PINK1: variants seen among roughly 807,000 people sequenced by gnomAD.
PINK1 encodes PTEN induced kinase 1.
A neutral mutation model predicts 56.0 loss-of-function variants in PINK1; 58 were observed. The observed-to-expected ratio is 1.04, with a 90% CI of 0.84 to 1.29. The LOEUF (loss-of-function observed/expected upper bound fraction) is 1.29. Among genes scored for constraint, PINK1 ranks in the 50% most tolerant of loss-of-function variants. The probability of loss-of-function intolerance (pLI) is 0.00; values close to 1 mark genes in which losing one functional copy is unlikely to be tolerated. For synonymous variants in PINK1, 354 were observed against 339.3 expected (o/e 1.04, Z -0.48); for missense variants, 745 against 777.9 (o/e 0.96, Z 0.50).
intron 1 of PINK1, among the ~76,000 whole-genome samples, chr1:20,635,765 C>T (rs908299327): frequency 3.3e-5 from 5 of 151,886 alleles, no homozygotes; most frequent in Non-Finnish European, 5.9e-5. Flanking sequence ...AGGAGAATGG[C>T]GTGAACCCGG....
intron 5 of PINK1, among the ~76,000 whole-genome samples, chr1:20,647,466 C>CTTTTTTT (rs34054663): frequency 1.8e-4 from 13 of 73,210 alleles, no homozygotes; most frequent in Non-Finnish European, 2.1e-4. Context: ...TGGGAGTTGG[C>CTTTTTTT]TTTTTTTTTT....
At chr1:20,648,371 T>C in intron 5 of PINK1, 134 bp from the exon 6 acceptor site, 1 of 1,365,796 alleles carries the variant, frequency 7.3e-7, no homozygotes, top group Non-Finnish European at 1.0e-6. Flanking sequence ...CAGGCCTTGC[T>C]GACCTCCTGG....
At chr1:20,648,869 C>T in intron 6 of PINK1, 126 bp from the exon 7 acceptor site, 1 of 1,272,292 alleles carries the variant, frequency 7.9e-7, no homozygotes, top group Non-Finnish European at 1.1e-6. Context: ...GTCTGAGCCA[C>T]AGCTCACTCA....
At chr1:20,640,795 T>G (rs918638590) in intron 3 of PINK1, among the ~76,000 whole-genome samples, 6 of 152,130 alleles carry the variant, frequency 3.9e-5, no homozygotes, top group African/African-American at 1.4e-4. Flanking sequence ...CCCAGCACTT[T>G]GGGAGGCTGA....
rs530433531 is a variant in PINK1, at chr1:20,644,550, C to T, written c.837C>T (p.Arg279=). The T allele has an allele frequency of 1.2e-5, 19 of 1,614,246 alleles. No homozygotes were observed. Among genetic ancestry groups the T allele is most frequent in the Middle Eastern group, 1.6e-4 (1 of 6,062 alleles). The change falls in exon 4 of 8, where the codon CGC becomes CGT. Residue 279 remains arginine, a synonymous_variant. Transcript: ENST00000321556. ...ACCCCAACATCATCCGGGTTCTCCG[C>T]GCCTTCACCTCTTCCGTGCCGCTGC... is the stretch of plus-strand genomic sequence containing the variant. ...APHPNIIRVL[R]AFTSSVPLLP... is the part of the protein sequence containing the mutation.
chr1:20,645,796 C>T, intron 5 of PINK1, 73 bp downstream of exon 5: 2 of 1,570,892 alleles, frequency 1.3e-6, no homozygotes, highest in Non-Finnish European at 1.7e-6. Context: ...AGGACTGACT[C>T]TTCAGGTCCT....
intron 6 of PINK1, 65 bp downstream of exon 6, chr1:20,648,697 G>C: frequency 6.2e-7 from 1 of 1,600,054 alleles, no homozygotes; most frequent in Non-Finnish European, 8.5e-7. Flanking sequence ...GAATGCAGGA[G>C]ACTCGATGCC....
At position 20,643,957 on chromosome 1, in the gene PINK1, C is replaced by T. The variant is rs918065805; in HGVS notation, c.777-533C>T. On this transcript the variant is annotated intron_variant, in intron 3 of 7. Transcript: ENST00000321556. Reference sequence around the variant, plus strand: ...TAAAGTTTAATTTATAAATTAGGCACAGTAAAAAATTAAAGATAACTAATA... The same window carrying T: ...TAAAGTTTAATTTATAAATTAGGCATAGTAAAAAATTAAAGATAACTAATA... Among the ~76,000 whole-genome samples the T allele has an allele frequency of 2.2e-5, 3 of 134,172 alleles. No homozygotes were observed. In the South Asian group the frequency reaches 7.3e-4, roughly 33 times the overall value. The allele number at this position is 134,172 out of a possible 152,430, so 88.0% of individuals were successfully genotyped here.
intron 6 of PINK1, 81 bp from the exon 7 acceptor site, chr1:20,648,914 C>T: frequency 6.8e-7 from 1 of 1,474,616 alleles, no homozygotes; most frequent in Admixed American, 1.7e-5. Flanking sequence ...TTCAGATTAG[C>T]CCATGGATCA....
At position 20,649,088 on chromosome 1, in the gene PINK1, C is replaced by A; in HGVS notation, c.1345C>A (p.Leu449Ile). The change falls in exon 7 of 8, where the codon CTT (leucine) becomes ATT (isoleucine). Residue 449 changes from leucine (L) to isoleucine (I), a missense_variant. Transcript: ENST00000321556. Reference sequence around the variant, plus strand: ...AGCCATCGCCTATGAAATCTTCGGGCTTGTCAATCCCTTCTACGGCCAGGG... The same window carrying A: ...AGCCATCGCCTATGAAATCTTCGGGATTGTCAATCCCTTCTACGGCCAGGG... ...VGAIAYEIFG[L>I]VNPFYGQGKA... 6.2e-7 allele frequency: 1 copy of A among 1,614,262 alleles called. No homozygotes were observed. The highest frequency in any genetic ancestry group is 8.5e-7 in the Non-Finnish European group (1 of 1,180,044).
At position 20,649,042 on chromosome 1, in the gene PINK1, G is replaced by A. The variant is rs371775590; in HGVS notation, c.1299G>A (p.Lys433=). 7 of 1,613,952 alleles carry A rather than the reference G, an allele frequency of 4.3e-6. No individual in the cohort carries two copies. The highest frequency in any genetic ancestry group is 2.7e-5 in the African/African-American group (2 of 74,954). ...PGPRAVIDYS[K]ADAWAVGAIA... Reference sequence around the variant, plus strand: ...CCAGGGCAGTGATTGACTACAGCAAGGCTGATGCCTGGGCAGTGGGAGCCA... The same window carrying A: ...CCAGGGCAGTGATTGACTACAGCAAAGCTGATGCCTGGGCAGTGGGAGCCA... The change falls in exon 7 of 8, where the codon AAG becomes AAA. Residue 433 remains lysine (K), a synonymous_variant. Coordinates refer to ENST00000321556, the MANE Select transcript of PINK1 (RefSeq NM_032409.3).
At position 20,633,494 on chromosome 1, in the gene PINK1, G is replaced by C. The variant is rs1363622863; in HGVS notation, c.-55G>C. On this transcript the variant is annotated 5_prime_UTR_variant, in exon 1 of 8. Transcript: ENST00000321556. Reference sequence around the variant, plus strand: ...CCCAAGTTTGTTGTGACCGGCGGGGGACGCCGGTGGTGGCGGCAGCGGCGG... The same window carrying C: ...CCCAAGTTTGTTGTGACCGGCGGGGCACGCCGGTGGTGGCGGCAGCGGCGG... 4.5e-6 allele frequency: 5 copies of C among 1,099,336 alleles called. No homozygotes were observed. Among genetic ancestry groups the C allele is most frequent in the Admixed American group, 5.1e-5 (1 of 19,750 alleles). 68.1% of individuals were successfully genotyped at this position (1,099,336 alleles called of 1,614,324 possible).
At chr1:20,636,075 G>A (rs2053053586) in intron 1 of PINK1, among the ~76,000 whole-genome samples, 1 of 152,100 alleles carries the variant, frequency 6.6e-6, no homozygotes, top group Non-Finnish European at 1.5e-5. Context: ...GCTGAGGTGG[G>A]TGGATTGCTT....
chr1:20,651,137 T>C lies in PINK1; in HGVS notation c.*446T>C. 4.1e-6 allele frequency: 1 copy of C among 244,584 alleles called. No individual in the cohort carries two copies. The highest frequency in any genetic ancestry group is 5.5e-5 in the South Asian group (1 of 18,246). 15.2% of individuals were successfully genotyped at this position (244,584 alleles called of 1,614,324 possible). ...CGGGAGTGGGAAATTACATGAGGCC[T>C]GGGCCTCTGCGTTCCCAAGCTGTGC... On this transcript the variant is annotated 3_prime_UTR_variant, in exon 8 of 8. Transcript: ENST00000321556.
At position 20,649,010 on chromosome 1, in the gene PINK1, C is replaced by A. The variant is rs1460162636; in HGVS notation, c.1267C>A (p.Pro423Thr). 1 of 1,613,316 alleles carries A rather than the reference C, an allele frequency of 6.2e-7. No homozygotes were observed. Among genetic ancestry groups the A allele is most frequent in the African/African-American group, 1.3e-5 (1 of 74,930 alleles). The change falls in exon 7 of 8, where the codon CCT becomes ACT. Residue 423 changes from proline (P) to threonine (T), a missense_variant. Pro to Thr is a conservative substitution (Grantham distance 38). Transcript: ENST00000321556. Reference protein sequence around the residue: ...LMAPEVSTARPGPRAVIDYSK... With the variant: ...LMAPEVSTARTGPRAVIDYSK... ...TTCTGAGCAGGTGTCCACGGCCCGT[C>A]CTGGCCCCAGGGCAGTGATTGACTA...
chr1:20,644,564 C>G lies in PINK1; in HGVS notation c.851C>G (p.Ser284Cys). The G allele has an allele frequency of 6.2e-7, 1 of 1,614,266 alleles. No individual in the cohort carries two copies. The highest frequency in any genetic ancestry group is 8.5e-7 in the Non-Finnish European group (1 of 1,180,052). The change falls in exon 4 of 8, where the codon TCC becomes TGC. Residue 284 changes from serine to cysteine, a missense_variant. Ser to Cys is a moderately radical substitution (Grantham distance 112). Transcript: ENST00000321556. Reference sequence around the variant, plus strand: ...CGGGTTCTCCGCGCCTTCACCTCTTCCGTGCCGCTGCTGCCAGGGGCCCTG... The same window carrying G: ...CGGGTTCTCCGCGCCTTCACCTCTTGCGTGCCGCTGCTGCCAGGGGCCCTG... ...IIRVLRAFTS[S>C]VPLLPGALVD...
At chr1:20,633,971 G>A in intron 1 of PINK1, 36 bp downstream of exon 1, 4 of 1,562,518 alleles carry the variant, frequency 2.6e-6, no homozygotes, top group East Asian at 2.4e-5. Context: ...AGCGGAGGAC[G>A]GAGCTAAGCG....
chr1:20,639,744 C>T lies in PINK1; in HGVS notation c.676-148C>T. 6.9e-6 allele frequency: 5 copies of T among 727,276 alleles called. No individual in the cohort carries two copies. In the South Asian group the frequency reaches 7.4e-5, roughly 11 times the overall value. 45.1% of individuals were successfully genotyped at this position (727,276 alleles called of 1,614,324 possible). A position where few individuals can be genotyped will look rare whatever the true frequency, so the allele number is the denominator to read the frequency against. The stretch of plus-strand genomic sequence containing the variant: ...CCTCCCAGGAGTAACTAGTCTCAGC[C>T]TGCCAGTTAAGACAGGTCATCTTAT... On this transcript the variant is annotated intron_variant, in intron 2 of 7. Coordinates refer to ENST00000321556, the MANE Select transcript of PINK1 (RefSeq NM_032409.3).
chr1:20,634,696 A>G (rs1215641827), intron 1 of PINK1, among the ~76,000 whole-genome samples: 1 of 152,238 alleles, frequency 6.6e-6, no homozygotes, highest in Non-Finnish European at 1.5e-5. Context: ...CTGGAGAGCC[A>G]GGGAGGAGCC....
Sources: allele counts gnomAD v4.1 joint callset (sites outside exome capture counted in the v4.1 genomes callset), GRCh38; gene constraint gnomAD v4.1.1; transcripts MANE v1.5; gene names NCBI Gene and HGNC (gene_info 2026-07-23, HGNC 2026-07-21).